Variants in HIPK1 observed in about 807,000 individuals in gnomAD.
The protein encoded by HIPK1 is homeodomain-interacting protein kinase 1.
A neutral mutation model predicts 117.1 loss-of-function variants in HIPK1; 28 were observed. That is an observed-to-expected ratio of 0.24 (90% confidence interval 0.18 to 0.33). The LOEUF is 0.33. Ranked by LOEUF, HIPK1 falls within the 10% of genes least tolerant of loss-of-function variation. The probability of loss-of-function intolerance (pLI) is 1.00; values close to 1 mark genes in which losing one functional copy is unlikely to be tolerated. For synonymous variants in HIPK1, 605 were observed against 562.5 expected, an observed-to-expected ratio of 1.08 and a Z score of -1.07; for missense variants, 1,122 against 1,475.1, an observed-to-expected ratio of 0.76 and a Z score of 3.92.
At chr1:113,947,868 CT>C (rs1671091534) in intron 2 of HIPK1, among the ~76,000 whole-genome samples, 1 of 152,186 alleles carries the variant, frequency 6.6e-6, no homozygotes. Flanking sequence ...TTAACAGTTT[CT>C]TTCACTTTCC....
intron 1 of HIPK1, among the ~76,000 whole-genome samples, chr1:113,934,989 CAA>C (rs752015521): frequency 2.7e-4 from 18 of 67,754 alleles, no homozygotes; most frequent in Admixed American, 3.4e-4. Context: ...GAACCTGTCT[CAA>C]AAAAAAAAAA....
intron 14 of HIPK1, 122 bp from the exon 15 acceptor site, chr1:113,971,702 T>G (rs1571735399): frequency 1.2e-6 from 1 of 841,122 alleles, no homozygotes; most frequent in East Asian, 3.2e-5. Context: ...TCTTCTGATG[T>G]AAATAGAATT....
rs1406482451 is a variant in HIPK1, at chr1:113,977,079, G to C, written c.*3567G>C. 6.5e-6 allele frequency: 1 copy of C among 152,774 alleles called. No individual in the cohort carries two copies. Among genetic ancestry groups the C allele is most frequent in the Non-Finnish European group, 1.5e-5 (1 of 68,052 alleles). 9.5% of individuals were successfully genotyped at this position (152,774 alleles called of 1,614,324 possible). ...TCATCCATTGTCCTCCACTAGAGGG[G>C]CTAAGCTTGACTGCCCTTAGCCAGG... On this transcript the variant is annotated 3_prime_UTR_variant, in exon 16 of 16. Coordinates refer to ENST00000426820, the MANE Select transcript of HIPK1 (RefSeq NM_198268.3).
chr1:113,931,076 GAA>G (rs1669861542), intron 1 of HIPK1, among the ~76,000 whole-genome samples: 1 of 151,918 alleles, frequency 6.6e-6, no homozygotes, highest in Non-Finnish European at 1.5e-5. Context: ...CGCTCTTGAT[GAA>G]ATAGGGTTAA....
chr1:113,931,872 T>A (rs549141518), intron 1 of HIPK1, among the ~76,000 whole-genome samples: 3 of 152,368 alleles, frequency 2.0e-5, no homozygotes, highest in East Asian at 3.9e-4. Flanking sequence ...CTGCTTGATC[T>A]GCCACCTGCA....
chr1:113,954,787 A>C lies in HIPK1; in HGVS notation c.1320+17A>C, dbSNP rs751286790. On this transcript the variant is annotated intron_variant, in intron 4 of 15. Coordinates refer to ENST00000426820, the MANE Select transcript of HIPK1 (RefSeq NM_198268.3). ...AGGCTTAAGGTCTGTCTTCCCTACT[A>C]TGCTTCCGACTCCTGTACTCCACCC... 1 of 1,608,040 alleles carries C rather than the reference A, an allele frequency of 6.2e-7. No individual in the cohort carries two copies. Among genetic ancestry groups the C allele is most frequent in the Non-Finnish European group, 8.5e-7 (1 of 1,176,540 alleles).
intron 11 of HIPK1, 80 bp from the exon 12 acceptor site, chr1:113,967,686 T>C (rs762304754): frequency 1.3e-5 from 13 of 987,300 alleles, no homozygotes; most frequent in Non-Finnish European, 1.6e-5. Flanking sequence ...GCATTTTGGC[T>C]AATTGCTTTT....
Position 113,958,135 on chromosome 1 carries a change from C to G in HIPK1, c.1825C>G (p.Leu609Val). The G allele has an allele frequency of 6.2e-7, 1 of 1,614,186 alleles. No homozygotes were observed. The highest frequency in any genetic ancestry group is 8.5e-7 in the Non-Finnish European group (1 of 1,180,002). ...TTCTCTGGCTAATTCAGATGTCTCA[C>G]TACTAAACTACCAGTCAGCTTTGTA... is the stretch of plus-strand genomic sequence containing the variant. Reference protein sequence around the residue: ...TLSLANSDVSLLNYQSALYPS... With the variant: ...TLSLANSDVSVLNYQSALYPS... Residue 609 changes from leucine to valine, a missense_variant, in exon 8 of 16, where the codon CTA becomes GTA. By Grantham distance (32) the Leu-to-Val change is conservative. Transcript: ENST00000426820.
chr1:113,931,499 TG>T (rs1669896331), intron 1 of HIPK1, among the ~76,000 whole-genome samples: 1 of 152,202 alleles, frequency 6.6e-6, no homozygotes, highest in South Asian at 2.1e-4. Context: ...ATAAATATAC[TG>T]GCTCTGGTTG....
chr1:113,966,233 C>T lies in HIPK1; in HGVS notation c.2342C>T (p.Pro781Leu). The T allele has an allele frequency of 1.9e-6, 3 of 1,613,940 alleles. No individual in the cohort carries two copies. The highest frequency in any genetic ancestry group is 2.5e-6 in the Non-Finnish European group (3 of 1,179,944). Residue 781 changes from proline (P) to leucine (L), a missense_variant, in exon 11 of 16, where the codon CCA becomes CTA. Coordinates refer to ENST00000426820, the MANE Select transcript of HIPK1 (RefSeq NM_198268.3). ...HNSVQPTAMIPEAMGSGQQLA... is the reference protein window; with the variant it reads ...HNSVQPTAMILEAMGSGQQLA... ...TCTGTCCAGCCCACAGCAATGATTC[C>T]AGAGGCCATGGGGAGTGGACAGCAG...
Position 113,971,826 on chromosome 1 carries a change from C to T in HIPK1, c.3016C>T (p.Leu1006Phe). Reference sequence around the variant, plus strand: ...TATTAAGCCTGGTGCTTTTTTAGGTCTCCTGAGCAATAAGACTAAGCCAGT... The same window carrying T: ...TATTAAGCCTGGTGCTTTTTTAGGTTTCCTGAGCAATAAGACTAAGCCAGT... ...DCTVATQASG[L>F]LSNKTKPVAS... The change falls in exon 15 of 16, where the codon CTC becomes TTC. Residue 1006 changes from leucine to phenylalanine, a missense_variant and splice_region_variant. This residue lies in a region of HIPK1 where 731 missense variants were observed against 860.4 expected (regional missense o/e 0.85). Coordinates refer to ENST00000426820, the MANE Select transcript of HIPK1 (RefSeq NM_198268.3). 1.3e-6 allele frequency: 2 copies of T among 1,590,718 alleles called. No individual in the cohort carries two copies. The highest frequency in any genetic ancestry group is 1.7e-6 in the Non-Finnish European group (2 of 1,172,890).
intron 1 of HIPK1, among the ~76,000 whole-genome samples, chr1:113,937,838 G>A (rs562989857): frequency 2.0e-5 from 3 of 152,054 alleles, no homozygotes; most frequent in Admixed American, 2.0e-4. Context: ...GGGCCTGGAG[G>A]TGAGTGGCCT....
At chr1:113,963,889 C>G (rs1672287399) in intron 10 of HIPK1, among the ~76,000 whole-genome samples, 3 of 152,164 alleles carry the variant, frequency 2.0e-5, no homozygotes, top group African/African-American at 7.2e-5. Flanking sequence ...CCCTCTGATC[C>G]TTGAGAATGA....
intron 5 of HIPK1, 83 bp from the exon 6 acceptor site, chr1:113,956,544 A>T: frequency 4.4e-6 from 4 of 912,080 alleles, no homozygotes; most frequent in Non-Finnish European, 6.8e-6. Context: ...ATACACACAC[A>T]CATAGTTTGG....
chr1:113,957,084 T>C, intron 6 of HIPK1, 40 bp from the exon 7 acceptor site: 1 of 1,521,638 alleles, frequency 6.6e-7, no homozygotes, highest in East Asian at 2.3e-5. Flanking sequence ...TCTGTTTAAA[T>C]CTCAGCATTC....
chr1:113,951,247 A>G (rs978993122), intron 2 of HIPK1: 22 of 984,870 alleles, frequency 2.2e-5, no homozygotes, highest in Admixed American at 1.2e-4. Flanking sequence ...TAGTTTGACA[A>G]TTGCCCTTGT....
rs1673102330 is a variant in HIPK1 at position 113,975,652 on chromosome 1, C to G, written c.*2140C>G. On this transcript the variant is annotated 3_prime_UTR_variant, in exon 16 of 16. Coordinates refer to ENST00000426820, the MANE Select transcript of HIPK1 (RefSeq NM_198268.3). ...AGCCTGTTGTATTGCTTACCATGTC[C>G]CCATACTATGAGGAGAAGTTTTGTG... The G allele has an allele frequency of 6.6e-6, 1 of 152,596 alleles. No individual in the cohort carries two copies. Among genetic ancestry groups the G allele is most frequent in the Non-Finnish European group, 1.5e-5 (1 of 68,002 alleles). 9.5% of individuals were successfully genotyped at this position (152,596 alleles called of 1,614,324 possible).
intron 10 of HIPK1, among the ~76,000 whole-genome samples, chr1:113,965,282 T>G (rs918668266): frequency 2.0e-5 from 3 of 151,806 alleles, no homozygotes; most frequent in African/African-American, 7.2e-5. Flanking sequence ...CCAAATCCGT[T>G]CCCATTTTTT....
chr1:113,946,576 A>G (rs1456691694), intron 2 of HIPK1, among the ~76,000 whole-genome samples: 3 of 152,080 alleles, frequency 2.0e-5, no homozygotes, highest in Non-Finnish European at 4.4e-5. Context: ...TGATCTTTGT[A>G]TTTTTTATCC....
Sources: gnomAD v4.1 joint callset for allele counts (sites outside exome capture counted in the v4.1 genomes callset) on GRCh38, gnomAD v4.1.1 for gene constraint, gnomAD v4.1.1 regional missense constraint, MANE v1.5 for transcripts, NCBI Gene and HGNC (gene_info 2026-07-23, HGNC 2026-07-21) for gene names.